USP7: variants seen among roughly 807,000 people sequenced by gnomAD.
USP7 encodes ubiquitin specific peptidase 7.
USP7 carries 9 observed loss-of-function variants against 162.9 expected under a neutral mutation model. That is an observed-to-expected ratio of 0.06 (90% confidence interval 0.03 to 0.10). USP7 has a LOEUF of 0.10. Ranked by LOEUF, USP7 falls within the 10% of genes least tolerant of loss-of-function variation. USP7 has a pLI of 1.00. For synonymous variants in USP7, 562 were observed against 475.9 expected, an observed-to-expected ratio of 1.18 and a Z score of -2.35; for missense variants, 715 against 1,373.7, an observed-to-expected ratio of 0.52 and a Z score of 7.58.
At chr16:8,933,408 C>G (rs1251211356) in intron 1 of USP7, among the ~76,000 whole-genome samples, 1 of 152,104 alleles carries the variant, frequency 6.6e-6, no homozygotes, top group African/African-American at 2.4e-5. Context: ...ATTCAGGTAC[C>G]AAGCGATATG....
intron 1 of USP7, among the ~76,000 whole-genome samples, chr16:8,961,386 G>A (rs1900001398): frequency 6.6e-6 from 1 of 151,688 alleles, no homozygotes; most frequent in South Asian, 2.1e-4. Flanking sequence ...CAGCTACTTG[G>A]GAGGCTGAGG....
chr16:8,898,516 A>C lies in USP7; in HGVS notation c.2640+15T>G. On this transcript the variant is annotated intron_variant, in intron 24 of 30. Coordinates refer to ENST00000344836, the MANE Select transcript of USP7 (RefSeq NM_003470.3). ...TCTCTTTATGACCCATAGTTACATTAATTTGGACTCATACCTGCTGATAGT... is the reference window on the plus strand; with the variant it reads ...TCTCTTTATGACCCATAGTTACATTCATTTGGACTCATACCTGCTGATAGT... The C allele has an allele frequency of 1.2e-6, 2 of 1,606,974 alleles. No homozygotes were observed. The highest frequency in any genetic ancestry group is 1.7e-6 in the Non-Finnish European group (2 of 1,176,844).
intron 23 of USP7, chr16:8,898,862 AG>A: frequency 1.6e-6 from 1 of 613,230 alleles, no homozygotes; most frequent in East Asian, 2.8e-5. Context: ...GCAGCCTGGC[AG>A]GACTGACCAG....
In USP7 at chr16:8,923,361, G is replaced by A. The variant is rs1157417382; in HGVS notation, c.237C>T (p.Ser79=). 3 of 1,614,100 alleles carry A rather than the reference G, an allele frequency of 1.9e-6. No individual in the cohort carries two copies. The highest frequency in any genetic ancestry group is 2.5e-6 in the Non-Finnish European group (3 of 1,180,054). ...GGCTAAGGACCGACTCACTCAGTCT[G>A]CTGAAGCGCTCCACAGTGAACTGAA... ...ATFQFTVERF[S]RLSESVLSPP... Residue 79 remains serine, a synonymous_variant, in exon 3 of 31, where the codon AGC becomes AGT. Transcript: ENST00000344836.
rs1224335408 is a variant in USP7, at chr16:8,929,901, T to C, written c.184+392A>G. 2.6e-5 allele frequency among the ~76,000 whole-genome samples: 4 copies of C among 152,172 alleles called. No individual in the cohort carries two copies. In the South Asian group the frequency reaches 6.2e-4, roughly 24 times the overall value. On this transcript the variant is annotated intron_variant, in intron 2 of 30. Coordinates refer to ENST00000344836, the MANE Select transcript of USP7 (RefSeq NM_003470.3). ...GATTCATAGCTATCATCAACTGATA[T>C]ACACCCTGCAATGAGAATGCAATGG...
intron 1 of USP7, among the ~76,000 whole-genome samples, chr16:8,935,212 T>C (rs1217868490): frequency 6.6e-6 from 1 of 151,538 alleles, no homozygotes; most frequent in Non-Finnish European, 1.5e-5. Flanking sequence ...TTTTTTTTTT[T>C]TTTTTTTTGA....
At chr16:8,924,919 T>A (rs776850157) in intron 2 of USP7, among the ~76,000 whole-genome samples, 1 of 152,238 alleles carries the variant, frequency 6.6e-6, no homozygotes, top group Non-Finnish European at 1.5e-5. Flanking sequence ...AAGAGGCGCA[T>A]CTTGTCCAAA....
chr16:8,941,362 G>A (rs1469337591), intron 1 of USP7, among the ~76,000 whole-genome samples: 1 of 152,184 alleles, frequency 6.6e-6, no homozygotes, highest in Non-Finnish European at 1.5e-5. Flanking sequence ...TACATATCCT[G>A]CAGTCTGCGG....
At chr16:8,916,811 T>C (rs535878507) in intron 7 of USP7, among the ~76,000 whole-genome samples, 5 of 152,248 alleles carry the variant, frequency 3.3e-5, no homozygotes, top group African/African-American at 1.2e-4. Flanking sequence ...AGCGGTGAAT[T>C]CTTTCTCAAG....
chr16:8,937,116 G>C (rs1485493726), intron 1 of USP7, among the ~76,000 whole-genome samples: 1 of 152,092 alleles, frequency 6.6e-6, no homozygotes, highest in Non-Finnish European at 1.5e-5. Context: ...AAAAATTTCA[G>C]GGCACCTTAC....
chr16:8,901,640 A>G (rs1399076279), intron 18 of USP7, among the ~76,000 whole-genome samples: 1 of 152,238 alleles, frequency 6.6e-6, no homozygotes, highest in Non-Finnish European at 1.5e-5. Context: ...AGCAAGGGTC[A>G]GCAAATTCCG....
chr16:8,954,686 C>T (rs1567248787), intron 1 of USP7, among the ~76,000 whole-genome samples: 1 of 152,144 alleles, frequency 6.6e-6, no homozygotes, highest in Non-Finnish European at 1.5e-5. Flanking sequence ...TTAATAACAG[C>T]AATTGCAGGC....
Position 8,923,186 on chromosome 16 carries a change from T to G in USP7, c.383+29A>C, listed in dbSNP as rs1480995150. 1.9e-6 allele frequency: 3 copies of G among 1,613,206 alleles called. No individual in the cohort carries two copies. The African/African-American group carries it at 4.0e-5, about 22-fold the overall frequency. On this transcript the variant is annotated intron_variant, in intron 3 of 30. Transcript: ENST00000344836. ...AAAATTGCACTAGGCTGATCAAATT[T>G]GGCTTCCAGTAATGAAATACTGTCT...
chr16:8,950,224 C>T (rs1231833604), intron 1 of USP7, among the ~76,000 whole-genome samples: 1 of 152,012 alleles, frequency 6.6e-6, no homozygotes, highest in Admixed American at 6.5e-5. Flanking sequence ...CAGTGGACAG[C>T]GAAGGTCTAG....
At chr16:8,901,835 A>G (rs957757369) in intron 18 of USP7, 13 of 529,498 alleles carry the variant, frequency 2.5e-5, no homozygotes, top group Non-Finnish European at 3.7e-5. Flanking sequence ...TTAGCACAGC[A>G]CAGCAGCTGA....
In USP7 at chr16:8,910,545, A is replaced by G. The variant is rs146244978; in HGVS notation, c.1161+200T>C. On this transcript the variant is annotated intron_variant, in intron 11 of 30. Coordinates refer to ENST00000344836, the MANE Select transcript of USP7 (RefSeq NM_003470.3). The stretch of plus-strand genomic sequence containing the variant: ...CCTCCGGACTGCTGGATGTGCTTCT[A>G]CAGGATAAACCAGCTGCACTCCATC... 2.4e-4 allele frequency among the ~76,000 whole-genome samples: 37 copies of G among 152,282 alleles called. 1 individual carries two copies. The East Asian group carries it at 6.2e-3, about 25-fold the overall frequency.
intron 1 of USP7, 112 bp downstream of exon 1, chr16:8,963,095 G>A: frequency 6.0e-6 from 6 of 1,005,738 alleles, no homozygotes; most frequent in Admixed American, 5.4e-5. Flanking sequence ...AGGCCCGGCG[G>A]CCGCCCGGGG....
In USP7 at chr16:8,893,974, G is replaced by T; in HGVS notation, c.*24C>A. 6.2e-7 allele frequency: 1 copy of T among 1,609,432 alleles called. No individual in the cohort carries two copies. ...AAGGGGCCACCCACACACCGTCCTCGCCTTGAACACACCAGCTTGGAAATC... is the reference window on the plus strand; with the variant it reads ...AAGGGGCCACCCACACACCGTCCTCTCCTTGAACACACCAGCTTGGAAATC... On this transcript the variant is annotated 3_prime_UTR_variant, in exon 31 of 31. Coordinates refer to ENST00000344836, the MANE Select transcript of USP7 (RefSeq NM_003470.3).
chr16:8,951,695 C>A (rs916604241), intron 1 of USP7, among the ~76,000 whole-genome samples: 20 of 152,320 alleles, frequency 1.3e-4, no homozygotes, highest in Non-Finnish European at 2.6e-4. Flanking sequence ...GCACCCTGAG[C>A]CCTCGCAGAC....
Sources: allele counts gnomAD v4.1 joint callset (sites outside exome capture counted in the v4.1 genomes callset), GRCh38; gene constraint gnomAD v4.1.1; transcripts MANE v1.5; gene names NCBI Gene and HGNC (gene_info 2026-07-23, HGNC 2026-07-21).